Variants in NACA observed in about 807,000 individuals in gnomAD.
NACA encodes the protein nascent polypeptide-associated complex subunit alpha.
Under a neutral mutation model 86.4 loss-of-function variants are expected in NACA, and 42 were observed. That is an observed-to-expected ratio of 0.49 (90% confidence interval 0.38 to 0.63). The LOEUF is 0.63. Ranked by LOEUF, NACA falls within the 20% of genes least tolerant of loss-of-function variation. NACA has a pLI of 0.00. For synonymous variants in NACA, 898 were observed against 973.7 expected (o/e 0.92, Z 1.45); for missense variants, 2,157 against 2,483.6 (o/e 0.87, Z 2.80).
intron 8 of NACA, 41 bp from the exon 9 acceptor site, chr12:56,712,593 AT>A: frequency 6.2e-7 from 1 of 1,611,082 alleles, no homozygotes; most frequent in Non-Finnish European, 8.5e-7. Context: ...TTATAGGCAA[AT>A]CAGGAGAATT....
Position 56,716,748 on chromosome 12 carries a change from T to C in NACA, c.4782A>G (p.Pro1594=). The change falls in exon 3 of 9, where the codon CCA becomes CCG. Residue 1594 remains proline (P), a synonymous_variant. Coordinates refer to ENST00000454682, the MANE Select transcript of NACA (RefSeq NM_001365896.1). ...AVTPSTYKGA[P]SPKELLIPPA... Reference sequence around the variant, plus strand: ...GTGGAATGAGGAGCTCTTTGGGGGATGGGGCCCCTTTGTAAGTGGAAGGAG... The same window carrying C: ...GTGGAATGAGGAGCTCTTTGGGGGACGGGGCCCCTTTGTAAGTGGAAGGAG... The C allele has an allele frequency of 7.4e-7, 1 of 1,352,480 alleles. No individual in the cohort carries two copies. Among genetic ancestry groups the C allele is most frequent in the South Asian group, 1.3e-5 (1 of 75,270 alleles). 83.8% of individuals were successfully genotyped at this position (1,352,480 alleles called of 1,614,324 possible). A position where few individuals can be genotyped will look rare whatever the true frequency, so the allele number is the denominator to read the frequency against.
chr12:56,721,769 C>A (rs1275555188), intron 2 of NACA, among the ~76,000 whole-genome samples: 2 of 152,158 alleles, frequency 1.3e-5, no homozygotes, highest in Non-Finnish European at 2.9e-5. Flanking sequence ...ATGGGGAGCA[C>A]AGACTCTTGG....
intron 2 of NACA, among the ~76,000 whole-genome samples, chr12:56,722,696 C>CAAAACAAAACAAAAA (rs3837441): frequency 3.3e-5 from 5 of 151,566 alleles, no homozygotes; most frequent in Admixed American, 1.3e-4. Context: ...CGTCTCAAAA[C>CAAAACAAAACAAAAA]AAAACAAACC....
Position 56,718,981 on chromosome 12 carries a change from G to A in NACA, c.2549C>T (p.Pro850Leu), listed in dbSNP as rs760181212. 3.2e-5 allele frequency: 46 copies of A among 1,447,520 alleles called. No individual in the cohort carries two copies. The highest frequency in any genetic ancestry group is 4.1e-5 in the Non-Finnish European group (44 of 1,071,464). 89.7% of individuals were successfully genotyped at this position (1,447,520 alleles called of 1,614,324 possible). ...AGGAGTGGGAGAATGCGTCGTGGCT[G>A]GTGAGTCTTTAGAGCCTTGGAAAGA... Reference protein sequence around the residue: ...SLSFQGSKDSPATTHSPTPPS... With the variant: ...SLSFQGSKDSLATTHSPTPPS... The change falls in exon 3 of 9, where the codon CCA (proline) becomes CTA (leucine). Residue 850 changes from proline (P) to leucine (L), a missense_variant. Physicochemically the swap from Pro to Leu is moderately conservative, Grantham distance 98 (BLOSUM62 -3). Transcript: ENST00000454682.
chr12:56,721,360 G>A lies in NACA; in HGVS notation c.170C>T (p.Pro57Leu). The stretch of plus-strand genomic sequence containing the variant: ...GGAAGCCTGGTTAGCAGCTGAGAGA[G>A]GGCACTGTTGTGGGGCAGGAGAGCA... ...PPCSPAPQQC[P>L]LSAANQASPF... The change falls in exon 3 of 9, where the codon CCT becomes CTT. Residue 57 changes from proline (P) to leucine (L), a missense_variant. By Grantham distance (98) the Pro-to-Leu change is moderately conservative. Coordinates refer to ENST00000454682, the MANE Select transcript of NACA (RefSeq NM_001365896.1). 2 of 1,604,942 alleles carry A rather than the reference G, an allele frequency of 1.2e-6. No homozygotes were observed. Among genetic ancestry groups the A allele is most frequent in the Non-Finnish European group, 1.7e-6 (2 of 1,176,102 alleles).
At position 56,721,118 on chromosome 12, in the gene NACA, C is replaced by G; in HGVS notation, c.412G>C (p.Ala138Pro). The G allele has an allele frequency of 1.2e-6, 2 of 1,613,784 alleles. No individual in the cohort carries two copies. Among genetic ancestry groups the G allele is most frequent in the Non-Finnish European group, 1.7e-6 (2 of 1,179,810 alleles). ...KGTPSSSAPL[A>P]LVALAPHSVQ... ...GAGTGGGGAGCCAGGGCAACCAGAG[C>G]TAAGGGAGCTGAAGAGGAAGGGGTC... The change falls in exon 3 of 9, where the codon GCT becomes CCT. Residue 138 changes from alanine (A) to proline (P), a missense_variant. By Grantham distance (27) the Ala-to-Pro change is conservative (BLOSUM62 -1). Transcript: ENST00000454682.
At position 56,720,070 on chromosome 12, in the gene NACA, G is replaced by C. The variant is rs758466783; in HGVS notation, c.1460C>G (p.Pro487Arg). 6.2e-6 allele frequency: 10 copies of C among 1,613,968 alleles called. No individual in the cohort carries two copies. The Admixed American group carries it at 1.7e-4, about 27-fold the overall frequency. ...AGTAGAAGGCTCTTTGGGAGCCACA[G>C]GTGCCATAACCAAGGCAGCAGGGGA... The part of the protein sequence containing the change: ...PTSPAALVMA[P>R]VAPKEPSTQV... The change falls in exon 3 of 9, where the codon CCT becomes CGT. Residue 487 changes from proline (P) to arginine (R), a missense_variant. This residue lies in a region of NACA where 947 missense variants were observed against 917.9 expected (regional missense o/e 1.03). Transcript: ENST00000454682.
Position 56,714,906 on chromosome 12 carries a change from G to A in NACA, c.5660-219C>T, listed in dbSNP as rs1379520540. The A allele has an allele frequency of 1.2e-5, 7 of 564,900 alleles. No individual in the cohort carries two copies. In the South Asian group the frequency reaches 1.3e-4, roughly 11 times the overall value. 35.0% of individuals were successfully genotyped at this position (564,900 alleles called of 1,614,324 possible). On this transcript the variant is annotated intron_variant, in intron 3 of 8. Transcript: ENST00000454682. ...AAGACCCAGCCCTAACCCCAGAAATGAGGACTAATCACTAGAAATAGCTGA... is the reference window on the plus strand; with the variant it reads ...AAGACCCAGCCCTAACCCCAGAAATAAGGACTAATCACTAGAAATAGCTGA...
chr12:56,721,504 G>GA (rs36039765), intron 2 of NACA, 45 bp from the exon 3 acceptor site: 5 of 1,246,766 alleles, frequency 4.0e-6, no homozygotes, highest in Non-Finnish European at 5.5e-6. Flanking sequence ...AGGGGGAGGA[G>GA]AAAAAAGGTG....
At chr12:56,723,759 T>G (rs969625399) in intron 2 of NACA, among the ~76,000 whole-genome samples, 5 of 152,214 alleles carry the variant, frequency 3.3e-5, no homozygotes, top group African/African-American at 1.2e-4. Context: ...GGCTATCATT[T>G]TAAGAACTTT....
chr12:56,717,299 A>G lies in NACA; in HGVS notation c.4231T>C (p.Ser1411Pro). The G allele has an allele frequency of 7.6e-7, 1 of 1,314,688 alleles. No individual in the cohort carries two copies. 81.4% of individuals were successfully genotyped at this position (1,314,688 alleles called of 1,614,324 possible). The stretch of plus-strand genomic sequence containing the variant: ...GGAGTTGCTGGAGCCTTTTTGGGGG[A>G]GAGAGGAATCACTGCTGGGGAAGTG... The part of the protein sequence containing the change: ...DPTSPAVIPL[S>P]PKKAPATPVT... Residue 1411 changes from serine (S) to proline (P), a missense_variant, in exon 3 of 9, where the codon TCC (serine) becomes CCC (proline). Coordinates refer to ENST00000454682, the MANE Select transcript of NACA (RefSeq NM_001365896.1).
In NACA at chr12:56,721,410, C is replaced by T. The variant is rs1193189159; in HGVS notation, c.120G>A (p.Gln40=). 1 of 1,553,256 alleles carries T rather than the reference C, an allele frequency of 6.4e-7. No individual in the cohort carries two copies. Among genetic ancestry groups the T allele is most frequent in the Admixed American group, 2.0e-5 (1 of 49,606 alleles). ...SALSVTAALG[Q]PGPTLPPPCS... ...AAGGAGGGGGGAGGGTAGGTCCAGG[C>T]TGCCCTAAGGCAGCAGTGACACTCA... The change falls in exon 3 of 9, where the codon CAG becomes CAA. Residue 40 remains glutamine (Q), a synonymous_variant. Coordinates refer to ENST00000454682, the MANE Select transcript of NACA (RefSeq NM_001365896.1).
Position 56,724,527 on chromosome 12 carries a change from A to C in NACA, c.-2-4T>G, listed in dbSNP as rs770404259. 2.5e-6 allele frequency: 4 copies of C among 1,611,148 alleles called. No individual in the cohort carries two copies. The Admixed American group carries it at 6.7e-5, about 27-fold the overall frequency. ...TCTGTGGCTTCGCCGGGCATTTCTG[A>C]AGGAAGGGAATAAAAAGGAGGCCTA... On this transcript the variant is annotated splice_region_variant and splice_polypyrimidine_tract_variant and intron_variant, in intron 1 of 8. Transcript: ENST00000454682.
Position 56,712,768 on chromosome 12 carries a change from A to G in NACA, c.6222+18T>C. ...GTCAGGGCAGAGGGAGTCAAGGAAC[A>G]AAGGCTTGAACACTTACCATAATCG... is the stretch of plus-strand genomic sequence containing the variant. On this transcript the variant is annotated intron_variant, in intron 8 of 8. Transcript: ENST00000454682. 1.2e-6 allele frequency: 2 copies of G among 1,614,186 alleles called. No homozygotes were observed. Among genetic ancestry groups the G allele is most frequent in the South Asian group, 2.2e-5 (2 of 91,092 alleles).
chr12:56,715,218 A>T (rs1293991984), intron 3 of NACA, among the ~76,000 whole-genome samples: 1 of 152,216 alleles, frequency 6.6e-6, no homozygotes, highest in Non-Finnish European at 1.5e-5. Flanking sequence ...TCACCCCAGC[A>T]ATGTGATCTA....
rs1953478424 is a variant in NACA at position 56,718,741 on chromosome 12, A to G, written c.2789T>C (p.Ile930Thr). Residue 930 changes from isoleucine (I) to threonine (T), a missense_variant, in exon 3 of 9, where the codon ATC (isoleucine) becomes ACC (threonine). Physicochemically the swap from Ile to Thr is moderately conservative, Grantham distance 89. Around this residue, in one of 8 missense-constraint regions of NACA, gnomAD observed 174 missense variants for 217.0 expected, o/e 0.80. Transcript: ENST00000454682. ...CCCTTTGGGGGATGGGGAAGCTGGGATTCCTTTAGGGGCTGGAGTTGCTCG... is the reference window on the plus strand; with the variant it reads ...CCCTTTGGGGGATGGGGAAGCTGGGGTTCCTTTAGGGGCTGGAGTTGCTCG... ...KARATPAPKG[I>T]PASPSPKGAP... 1 of 1,436,372 alleles carries G rather than the reference A, an allele frequency of 7.0e-7. No homozygotes were observed. The allele number at this position is 1,436,372 out of a possible 1,614,324, so 89.0% of individuals were successfully genotyped here. A position where few individuals can be genotyped will look rare whatever the true frequency, so the allele number is the denominator to read the frequency against.
At position 56,718,021 on chromosome 12, in the gene NACA, C is replaced by A. The variant is rs1953437675; in HGVS notation, c.3509G>T (p.Gly1170Val). 1 of 1,082,954 alleles carries A rather than the reference C, an allele frequency of 9.2e-7. No individual in the cohort carries two copies. The highest frequency in any genetic ancestry group is 1.1e-6 in the Non-Finnish European group (1 of 888,024). 67.1% of individuals were successfully genotyped at this position (1,082,954 alleles called of 1,614,324 possible). ...AGTTGCAGCTGGGGTTGTGGGGGCC[C>A]CTTTTGGGGGTGGGGTAGCTAGACC... Reference protein sequence around the residue: ...KGGLATPPPKGAPTTPAATPP... With the variant: ...KGGLATPPPKVAPTTPAATPP... Residue 1170 changes from glycine to valine, a missense_variant, in exon 3 of 9, where the codon GGG (glycine) becomes GTG (valine). Gly to Val is a moderately radical substitution (Grantham distance 109). Transcript: ENST00000454682.
Position 56,720,426 on chromosome 12 carries a change from AG to A in NACA, c.1103del (p.Pro368LeufsTer24). 1 of 1,613,866 alleles carries A rather than the reference AG, an allele frequency of 6.2e-7. No individual in the cohort carries two copies. The highest frequency in any genetic ancestry group is 8.5e-7 in the Non-Finnish European group (1 of 1,179,798). On this transcript the variant is annotated frameshift_variant, in exon 3 of 9. Transcript: ENST00000454682. LOFTEE classifies it high-confidence loss of function. ...PPLPSRNEVV[P>X]ATVAAFPVVA... is the part of the protein sequence containing the mutation. ...CCACTGGAAAGGCAGCCACAGTAGC[AG>A]GAACTACCTCATTTCTGGAAGGAAG...
intron 3 of NACA, 46 bp from the exon 4 acceptor site, chr12:56,714,733 G>C (rs1319694592): frequency 6.4e-7 from 1 of 1,564,622 alleles, no homozygotes; most frequent in East Asian, 2.2e-5. Flanking sequence ...GAAATTATAA[G>C]AGAAGGTACT....
Sources: gnomAD v4.1 joint callset for allele counts (sites outside exome capture counted in the v4.1 genomes callset) on GRCh38, gnomAD v4.1.1 for gene constraint, gnomAD v4.1.1 regional missense constraint, MANE v1.5 for transcripts, NCBI Gene and HGNC (gene_info 2026-07-23, HGNC 2026-07-21) for gene names.